The following CEP128 variants were observed in gnomAD, a reference collection of about 807,000 sequenced individuals.
CEP128 encodes centrosomal protein 128.
A neutral mutation model predicts 156.7 loss-of-function variants in CEP128; 132 were observed. That is an observed-to-expected ratio of 0.84 (90% confidence interval 0.73 to 0.97). The LOEUF (loss-of-function observed/expected upper bound fraction) is 0.97, where lower values mean the gene tolerates loss of function less well. Among genes scored for constraint, CEP128 ranks in the 50% least tolerant of loss-of-function variants. The pLI is 0.00. For synonymous variants in CEP128, 469 were observed against 448.9 expected (o/e 1.04, Z -0.57); for missense variants, 1,252 against 1,281.9 (o/e 0.98, Z 0.36).
At chr14:80,547,419 T>C (rs979476880) in intron 21 of CEP128, among the ~76,000 whole-genome samples, 1 of 152,186 alleles carries the variant, frequency 6.6e-6, no homozygotes, top group Non-Finnish European at 1.5e-5. Flanking sequence ...AAGTGAAGGA[T>C]GTGGAATAGA....
At chr14:80,725,661 G>A (rs1159512706) in intron 19 of CEP128, among the ~76,000 whole-genome samples, 1 of 152,134 alleles carries the variant, frequency 6.6e-6, no homozygotes, top group Non-Finnish European at 1.5e-5. Context: ...TAGAATTCTG[G>A]TACAAGAGGA....
intron 19 of CEP128, among the ~76,000 whole-genome samples, chr14:80,631,357 G>T (rs1448724549): frequency 6.6e-6 from 1 of 151,932 alleles, no homozygotes; most frequent in African/African-American, 2.4e-5. Flanking sequence ...TTAGAATGAT[G>T]GAAGGAAGAG....
chr14:80,502,354 T>G (rs1170952919), intron 24 of CEP128, among the ~76,000 whole-genome samples: 1 of 152,150 alleles, frequency 6.6e-6, no homozygotes, highest in East Asian at 1.9e-4. Flanking sequence ...AAGGACAATC[T>G]CAGGATGGCT....
Position 80,927,206 on chromosome 14 carries a change from C to T in CEP128, c.-15-10644G>A, listed in dbSNP as rs534030200. On this transcript the variant is annotated intron_variant, in intron 2 of 24. Transcript: ENST00000555265. Reference sequence around the variant, plus strand: ...AGACACCCCGTCGGACAAAAGAAACCGGACTGCAGGCTCTGAGTCCCTGAA... The same window carrying T: ...AGACACCCCGTCGGACAAAAGAAACTGGACTGCAGGCTCTGAGTCCCTGAA... Among the ~76,000 whole-genome samples the T allele has an allele frequency of 3.1e-4, 47 of 152,312 alleles. 2 individuals are homozygous for T. The East Asian group carries it at 5.8e-3, about 19-fold the overall frequency.
chr14:80,953,571 C>T (rs568183749), intron 2 of CEP128, among the ~76,000 whole-genome samples: 1 of 152,278 alleles, frequency 6.6e-6, no homozygotes, highest in South Asian at 2.1e-4. Flanking sequence ...GGCGACAGGG[C>T]GAGACTCCGT....
intron 16 of CEP128, among the ~76,000 whole-genome samples, chr14:80,775,173 A>C (rs560245174): frequency 6.6e-5 from 10 of 152,214 alleles, no homozygotes; most frequent in Admixed American, 2.6e-4. Flanking sequence ...ATCCTAATAA[A>C]GGTATTATTA....
chr14:80,849,177 T>A (rs992592589), intron 9 of CEP128, among the ~76,000 whole-genome samples: 19 of 152,088 alleles, frequency 1.2e-4, no homozygotes, highest in Non-Finnish European at 2.5e-4. Flanking sequence ...AAAGGAAACA[T>A]ATAAAGGTTT....
chr14:80,594,241 A>C (rs1428874665), intron 19 of CEP128, among the ~76,000 whole-genome samples: 1 of 152,214 alleles, frequency 6.6e-6, no homozygotes, highest in African/African-American at 2.4e-5. Flanking sequence ...CTATTTAATA[A>C]ATGGTGTTGG....
chr14:80,934,948 T>A (rs1566725288), intron 2 of CEP128, among the ~76,000 whole-genome samples: 2 of 152,222 alleles, frequency 1.3e-5, no homozygotes, highest in African/African-American at 2.4e-5. Flanking sequence ...CAGTTTCCTA[T>A]GGACTAATTT....
chr14:80,707,831 C>A (rs1179411900), intron 19 of CEP128, among the ~76,000 whole-genome samples: 1 of 152,040 alleles, frequency 6.6e-6, no homozygotes. Context: ...AATTTTTTTG[C>A]AATCCTTTTT....
intron 19 of CEP128, among the ~76,000 whole-genome samples, chr14:80,623,173 A>T (rs909555041): frequency 9.2e-5 from 14 of 152,064 alleles, no homozygotes; most frequent in Admixed American, 3.3e-4. Context: ...CATGGATGAA[A>T]TTGGAAATCA....
intron 20 of CEP128, 65 bp from the exon 21 acceptor site, chr14:80,559,367 T>G: frequency 1.5e-6 from 2 of 1,315,362 alleles, no homozygotes; most frequent in Non-Finnish European, 1.1e-6. Flanking sequence ...CAAGTTTACT[T>G]AATTTACAAG....
At chr14:80,692,780 A>G (rs1896761878) in intron 19 of CEP128, among the ~76,000 whole-genome samples, 1 of 152,176 alleles carries the variant, frequency 6.6e-6, no homozygotes, top group African/African-American at 2.4e-5. Flanking sequence ...AAGACTCCAC[A>G]GTTTTCTCCA....
intron 9 of CEP128, among the ~76,000 whole-genome samples, chr14:80,843,401 G>C (rs1156494930): frequency 2.0e-5 from 3 of 152,154 alleles, no homozygotes; most frequent in African/African-American, 7.2e-5. Flanking sequence ...TTGGTCACAA[G>C]GGCAAGAACA....
intron 21 of CEP128, among the ~76,000 whole-genome samples, chr14:80,539,857 G>A (rs933832780): frequency 2.0e-4 from 31 of 152,014 alleles, no homozygotes; most frequent in Admixed American, 9.2e-4. Flanking sequence ...ATAAACAGCC[G>A]CTCTGGGAAT....
intron 4 of CEP128, among the ~76,000 whole-genome samples, chr14:80,907,657 CAAAAAAAAAAAA>C (rs67715110): frequency 1.5e-5 from 1 of 64,624 alleles, no homozygotes; most frequent in African/African-American, 5.8e-5. Context: ...GACTCTGTTT[CAAAAAAAAAAAA>C]AAAAAAAAAA....
At chr14:80,699,708 T>C (rs968827628) in intron 19 of CEP128, among the ~76,000 whole-genome samples, 1 of 152,186 alleles carries the variant, frequency 6.6e-6, no homozygotes, top group Non-Finnish European at 1.5e-5. Flanking sequence ...TTAGTTAAGA[T>C]GTCTAGAAAT....
chr14:80,793,713 A>G (rs1304108214), intron 13 of CEP128, among the ~76,000 whole-genome samples: 1 of 152,210 alleles, frequency 6.6e-6, no homozygotes, highest in Non-Finnish European at 1.5e-5. Flanking sequence ...AGATTTATAA[A>G]TACACTTAAT....
chr14:80,613,601 G>A lies in CEP128; in HGVS notation c.2807-33178C>T, dbSNP rs571023107. On this transcript the variant is annotated intron_variant, in intron 19 of 24. Coordinates refer to ENST00000555265, the MANE Select transcript of CEP128 (RefSeq NM_152446.5). ...TGGGATTACAGGTGTGACCCACCGC[G>A]CCTGGCCGGAGAACATTTTTAAAAT... Among the ~76,000 whole-genome samples the A allele has an allele frequency of 3.3e-5, 5 of 151,998 alleles. No homozygotes were observed. In the South Asian group the frequency reaches 6.2e-4, roughly 19 times the overall value.
Sources: gnomAD v4.1 joint callset for allele counts (sites outside exome capture counted in the v4.1 genomes callset) on GRCh38, gnomAD v4.1.1 for gene constraint, MANE v1.5 for transcripts, NCBI Gene and HGNC (gene_info 2026-07-23, HGNC 2026-07-21) for gene names.